The following TENM4 variants were observed in gnomAD, a reference collection of about 807,000 sequenced individuals.
TENM4 encodes teneurin-4.
TENM4 carries 82 observed loss-of-function variants against 243.3 expected under a neutral mutation model. The observed-to-expected ratio is 0.34, with a 90% confidence interval of 0.28 to 0.40. The LOEUF (loss-of-function observed/expected upper bound fraction) is 0.40, where lower values mean the gene tolerates loss of function less well. Ranked by LOEUF, TENM4 falls within the 10% of genes least tolerant of loss-of-function variation. The pLI, the probability that TENM4 is intolerant of heterozygous loss-of-function variation, is 1.00. For synonymous variants in TENM4, 1,412 were observed against 1,456.3 expected (o/e 0.97, Z 0.69); for missense variants, 3,138 against 3,673.3 (o/e 0.85, Z 3.77).
intron 6 of TENM4, among the ~76,000 whole-genome samples, chr11:78,918,823 T>C (rs1400517113): frequency 6.6e-6 from 1 of 152,210 alleles, no homozygotes; most frequent in African/African-American, 2.4e-5. Flanking sequence ...CTGCTTCCTT[T>C]GTTTTTTGGA....
intron 1 of TENM4, among the ~76,000 whole-genome samples, chr11:79,301,761 G>A (rs1856552685): frequency 6.6e-6 from 1 of 152,116 alleles, no homozygotes; most frequent in Admixed American, 6.5e-5. Flanking sequence ...CTGTTCTCTT[G>A]ATAACGAGTG....
At chr11:79,013,912 T>C (rs1208986542) in intron 6 of TENM4, among the ~76,000 whole-genome samples, 4 of 152,246 alleles carry the variant, frequency 2.6e-5, no homozygotes, top group African/African-American at 7.2e-5. Context: ...CTCTTTAAAA[T>C]TGCACCCTCC....
intron 6 of TENM4, among the ~76,000 whole-genome samples, chr11:78,995,544 T>G (rs911807413): frequency 2.0e-5 from 3 of 152,080 alleles, no homozygotes; most frequent in African/African-American, 7.2e-5. Context: ...TATAAGACAC[T>G]TACAAACAAA....
Position 78,657,900 on chromosome 11 carries a change from C to G in TENM4, c.*158G>C. ...GTGCGAAGGCCAAATCTGTGTTTTTCTTTTCTAAAAAAAAGGATGTTGCAT... is the reference window on the plus strand; with the variant it reads ...GTGCGAAGGCCAAATCTGTGTTTTTGTTTTCTAAAAAAAAGGATGTTGCAT... On this transcript the variant is annotated 3_prime_UTR_variant, in exon 34 of 34. Transcript: ENST00000278550. 1 of 1,232,162 alleles carries G rather than the reference C, an allele frequency of 8.1e-7. No individual in the cohort carries two copies. The highest frequency in any genetic ancestry group is 1.2e-6 in the Non-Finnish European group (1 of 854,712). The allele number at this position is 1,232,162 out of a possible 1,614,324, so 76.3% of individuals were successfully genotyped here.
chr11:78,978,974 T>A (rs1222078844), intron 6 of TENM4, among the ~76,000 whole-genome samples: 1 of 152,136 alleles, frequency 6.6e-6, no homozygotes, highest in African/African-American at 2.4e-5. Flanking sequence ...CTGGTGCACA[T>A]GGGCTGCATG....
intron 4 of TENM4, among the ~76,000 whole-genome samples, chr11:79,126,547 T>C (rs1861880605): frequency 6.6e-6 from 1 of 152,218 alleles, no homozygotes; most frequent in African/African-American, 2.4e-5. Context: ...GTCTGATTTG[T>C]GTAGAGCTCT....
chr11:78,891,398 G>C (rs936338607), intron 7 of TENM4, 62 bp from the exon 8 acceptor site: 351 of 1,439,230 alleles, frequency 2.4e-4, no homozygotes, highest in Non-Finnish European at 5.8e-5. Context: ...GGGGCTAGTA[G>C]AGAAACACAC....
intron 3 of TENM4, among the ~76,000 whole-genome samples, chr11:79,212,336 G>C (rs531234813): frequency 1.6e-4 from 24 of 152,128 alleles, no homozygotes; most frequent in Non-Finnish European, 2.8e-4. Flanking sequence ...TGTCACCAAG[G>C]CCTGTGCCAT....
intron 6 of TENM4, among the ~76,000 whole-genome samples, chr11:78,920,709 A>G (rs995883542): frequency 2.6e-5 from 4 of 152,244 alleles, no homozygotes; most frequent in African/African-American, 9.6e-5. Flanking sequence ...AAAACATCAA[A>G]CAAGATTATA....
At chr11:78,698,559 T>A (rs17753788) in intron 28 of TENM4, among the ~76,000 whole-genome samples, 11,832 of 152,170 alleles carry the variant, frequency 0.078, 503 homozygotes, top group Middle Eastern at 0.14. Context: ...AAGCTAAAGG[T>A]AGAAAATTCA....
intron 1 of TENM4, among the ~76,000 whole-genome samples, chr11:79,410,708 T>C (rs546737516): frequency 1.3e-5 from 2 of 152,300 alleles, no homozygotes; most frequent in South Asian, 4.1e-4. Flanking sequence ...ATCTCAAAAT[T>C]AGGAATAGTA....
chr11:79,132,117 C>G (rs868176171), intron 4 of TENM4, among the ~76,000 whole-genome samples: 1 of 151,334 alleles, frequency 6.6e-6, no homozygotes, highest in Non-Finnish European at 1.5e-5. Flanking sequence ...CCAAGGTGGG[C>G]GGATCACGAG....
intron 15 of TENM4, among the ~76,000 whole-genome samples, chr11:78,800,193 G>T (rs1857252199): frequency 6.6e-6 from 1 of 152,182 alleles, no homozygotes; most frequent in African/African-American, 2.4e-5. Context: ...AGGGTGAAAA[G>T]CCAACTAAAG....
At chr11:79,013,416 G>T (rs1302994283) in intron 6 of TENM4, among the ~76,000 whole-genome samples, 1 of 152,226 alleles carries the variant, frequency 6.6e-6, no homozygotes, top group Non-Finnish European at 1.5e-5. Flanking sequence ...TATCAGACTT[G>T]TCCTGTTGTT....
At chr11:79,127,264 C>A (rs1591301916) in intron 4 of TENM4, among the ~76,000 whole-genome samples, 2 of 152,208 alleles carry the variant, frequency 1.3e-5, no homozygotes, top group East Asian at 3.8e-4. Flanking sequence ...GCAGGGATTG[C>A]AGAGATTAGT....
intron 2 of TENM4, among the ~76,000 whole-genome samples, chr11:79,226,846 G>T (rs1864276821): frequency 6.6e-6 from 1 of 152,160 alleles, no homozygotes; most frequent in African/African-American, 2.4e-5. Context: ...AATTAGAAAA[G>T]AGCAAGAGTT....
chr11:79,138,307 C>A (rs1221775760), intron 4 of TENM4, among the ~76,000 whole-genome samples: 7 of 100,606 alleles, frequency 7.0e-5, no homozygotes, highest in African/African-American at 1.0e-4. Context: ...TAATAAACTC[C>A]CCTTTATATA....
At chr11:78,907,117 G>A (rs894184280) in intron 6 of TENM4, among the ~76,000 whole-genome samples, 1 of 152,018 alleles carries the variant, frequency 6.6e-6, no homozygotes, top group African/African-American at 2.4e-5. Flanking sequence ...GGACCTTGAT[G>A]TTTCCTGGGT....
intron 6 of TENM4, among the ~76,000 whole-genome samples, chr11:79,053,873 T>C (rs914940315): frequency 4.6e-5 from 7 of 152,194 alleles, no homozygotes; most frequent in African/African-American, 1.7e-4. Context: ...AAGCAACCAA[T>C]TACTATACAG....
Sources: gnomAD v4.1 joint callset for allele counts (sites outside exome capture counted in the v4.1 genomes callset) on GRCh38, gnomAD v4.1.1 for gene constraint, MANE v1.5 for transcripts, NCBI Gene and HGNC (gene_info 2026-07-23, HGNC 2026-07-21) for gene names.